Variants in GXYLT1 observed in about 807,000 individuals in gnomAD.
The protein encoded by GXYLT1 is glycosyltransferase 8 domain containing 3.
In GXYLT1, 29 loss-of-function variants were observed where a neutral mutation model predicts 54.0. The ratio of observed to expected loss-of-function variants is 0.54; its 90% CI spans 0.40 to 0.73. The LOEUF (loss-of-function observed/expected upper bound fraction) is 0.73, where lower values mean the gene tolerates loss of function less well. Among genes scored for constraint, GXYLT1 ranks in the 30% least tolerant of loss-of-function variants. The pLI is 0.00. For synonymous variants in GXYLT1, 176 were observed against 204.1 expected (o/e 0.86, Z 1.17); for missense variants, 490 against 553.4 (o/e 0.89, Z 1.15).
chr12:42,104,832 C>T (rs192414923), intron 5 of GXYLT1, among the ~76,000 whole-genome samples: 2 of 152,144 alleles, frequency 1.3e-5, no homozygotes, highest in Non-Finnish European at 1.5e-5. Flanking sequence ...ACATGATATC[C>T]CTTAATGTTT....
rs1172587272 is a variant in GXYLT1 at position 42,106,777 on chromosome 12, ACT to A, written c.613-710_613-709del. On this transcript the variant is annotated intron_variant, in intron 4 of 7. Transcript: ENST00000398675. ...TTTTTTTTTTTTGAGACAGAGTCTC[ACT>A]CTGTCACCCAGGCTGGAGTGCAGTA... 2.2e-4 allele frequency among the ~76,000 whole-genome samples: 28 copies of A among 129,912 alleles called. 1 individual carries two copies. The highest frequency in any genetic ancestry group is 4.8e-3 in the Middle Eastern group (1 of 208). 85.2% of individuals were successfully genotyped at this position (129,912 alleles called of 152,430 possible).
chr12:42,100,151 A>G (rs79383409), intron 5 of GXYLT1, among the ~76,000 whole-genome samples: 4,458 of 152,196 alleles, frequency 0.029, 194 homozygotes, highest in East Asian at 0.1. Context: ...TTGGTGTTGG[A>G]AGGGGTAGAA....
In GXYLT1 at chr12:42,112,476, T is replaced by G. The variant is rs191495939; in HGVS notation, c.487-2785A>C. 2.3e-3 allele frequency among the ~76,000 whole-genome samples: 351 copies of G among 152,206 alleles called. 2 individuals carry two copies. The highest frequency in any genetic ancestry group is 8.0e-3 in the African/African-American group (334 of 41,506). On this transcript the variant is annotated intron_variant, in intron 3 of 7. Coordinates refer to ENST00000398675, the MANE Select transcript of GXYLT1 (RefSeq NM_173601.2). ...CCTGATGGAGCTGAAAACCAAGGCATGAGAGCTATGTGACAAATGCAGAAG... is the reference window on the plus strand; with the variant it reads ...CCTGATGGAGCTGAAAACCAAGGCAGGAGAGCTATGTGACAAATGCAGAAG...
At position 42,144,838 on chromosome 12, in the gene GXYLT1, GA is replaced by G. The variant is rs1158999725; in HGVS notation, c.-193del. 2 of 371,888 alleles carry G rather than the reference GA, an allele frequency of 5.4e-6. No individual in the cohort carries two copies. Among genetic ancestry groups the G allele is most frequent in the African/African-American group, 4.3e-5 (2 of 46,930 alleles). 23.0% of individuals were successfully genotyped at this position (371,888 alleles called of 1,614,324 possible). A position where few individuals can be genotyped will look rare whatever the true frequency, so the allele number is the denominator to read the frequency against. ...CGAGCGCAGTCGCGGCTCCGGAGCC[GA>G]AGGACTACCCGCCCGGAAGCCTGGA... On this transcript the variant is annotated 5_prime_UTR_variant, in exon 1 of 8. Transcript: ENST00000398675.
chr12:42,123,494 G>T (rs1255480897), intron 2 of GXYLT1, among the ~76,000 whole-genome samples: 2 of 152,050 alleles, frequency 1.3e-5, no homozygotes, highest in African/African-American at 2.4e-5. Context: ...AATTTAGGAG[G>T]TAGGGGTTTA....
rs529980464 is a variant in GXYLT1 at position 42,129,528 on chromosome 12, G to T, written c.314+231C>A. Among the ~76,000 whole-genome samples the T allele has an allele frequency of 2.0e-5, 3 of 152,042 alleles. No individual in the cohort carries two copies. The East Asian group carries it at 5.8e-4, about 29-fold the overall frequency. ...AAAGTTAGATCATAAATTCTCTTAAGAACAGTGGTTTGTCTTAATAACATC... is the reference window on the plus strand; with the variant it reads ...AAAGTTAGATCATAAATTCTCTTAATAACAGTGGTTTGTCTTAATAACATC... On this transcript the variant is annotated intron_variant, in intron 2 of 7. Coordinates refer to ENST00000398675, the MANE Select transcript of GXYLT1 (RefSeq NM_173601.2).
chr12:42,124,506 GAAC>G (rs1307532930), intron 2 of GXYLT1, among the ~76,000 whole-genome samples: 10 of 151,760 alleles, frequency 6.6e-5, no homozygotes, highest in Non-Finnish European at 1.3e-4. Flanking sequence ...ATGATATACA[GAAC>G]AAAAGAAAAA....
chr12:42,087,833 C>T lies in GXYLT1; in HGVS notation c.1276G>A (p.Ala426Thr), dbSNP rs780222453. 9 of 1,607,140 alleles carry T rather than the reference C, an allele frequency of 5.6e-6. No individual in the cohort carries two copies. The South Asian group carries it at 8.9e-5, about 16-fold the overall frequency. ...GCATAACGATCTCTTACACTTTTTG[C>T]TAGTTGTTTGATAAATATTTTGTAA... ...KIYKIFIKQLAKSVRDRYARS... is the reference protein window; with the variant it reads ...KIYKIFIKQLTKSVRDRYARS... The change falls in exon 8 of 8, where the codon GCA (alanine) becomes ACA (threonine). Residue 426 changes from alanine to threonine, a missense_variant. Physicochemically the swap from Ala to Thr is moderately conservative, Grantham distance 58 (BLOSUM62 0). This residue lies in a region of GXYLT1 where 342 missense variants were observed against 342.6 expected (regional missense o/e 1.00). Transcript: ENST00000398675.
rs1288497832 is a variant in GXYLT1, at chr12:42,082,383, C to T, written c.*5403G>A. On this transcript the variant is annotated 3_prime_UTR_variant, in exon 8 of 8. Coordinates refer to ENST00000398675, the MANE Select transcript of GXYLT1 (RefSeq NM_173601.2). ...AACATATTCTACAGCAATGCTCAAG[C>T]CCTGGATTATTTTTGCCTGACAAAA... is the stretch of plus-strand genomic sequence containing the variant. The T allele has an allele frequency of 6.6e-6, 1 of 152,166 alleles. No individual in the cohort carries two copies. The highest frequency in any genetic ancestry group is 1.5e-5 in the Non-Finnish European group (1 of 68,026). 9.4% of individuals were successfully genotyped at this position (152,166 alleles called of 1,614,324 possible). A position where few individuals can be genotyped will look rare whatever the true frequency, so the allele number is the denominator to read the frequency against.
intron 1 of GXYLT1, among the ~76,000 whole-genome samples, chr12:42,136,188 G>A (rs2065618635): frequency 6.6e-6 from 1 of 152,116 alleles, no homozygotes; most frequent in Non-Finnish European, 1.5e-5. Context: ...ACATATCAGT[G>A]GCTTATTAGA....
chr12:42,106,087 T>G lies in GXYLT1; in HGVS notation c.613-18A>C, dbSNP rs758030375. The G allele has an allele frequency of 6.9e-7, 1 of 1,449,812 alleles. No individual in the cohort carries two copies. Among genetic ancestry groups the G allele is most frequent in the African/African-American group, 1.6e-5 (1 of 63,218 alleles). 89.8% of individuals were successfully genotyped at this position (1,449,812 alleles called of 1,614,324 possible). The stretch of plus-strand genomic sequence containing the variant: ...AGGATTAACTACAAGGAGAGATATT[T>G]GAATGATTAACTATAATTCTATTTT... On this transcript the variant is annotated intron_variant, in intron 4 of 7. Transcript: ENST00000398675.
At chr12:42,111,464 G>A (rs1029662101) in intron 3 of GXYLT1, among the ~76,000 whole-genome samples, 4 of 152,170 alleles carry the variant, frequency 2.6e-5, no homozygotes, top group East Asian at 1.9e-4. Context: ...CTTAAAAAAC[G>A]GCACACCAGG....
Position 42,086,473 on chromosome 12 carries a change from T to C in GXYLT1, c.*1313A>G, listed in dbSNP as rs1411847133. The C allele has an allele frequency of 6.6e-6, 1 of 152,230 alleles. No homozygotes were observed. The highest frequency in any genetic ancestry group is 2.4e-5 in the African/African-American group (1 of 41,458). 9.4% of individuals were successfully genotyped at this position (152,230 alleles called of 1,614,324 possible). A position where few individuals can be genotyped will look rare whatever the true frequency, so the allele number is the denominator to read the frequency against. ...TGATTTTCCATTTTCTACTTGAGCA[T>C]TAAAATATCAGGGAGAAAAAGAAGA... On this transcript the variant is annotated 3_prime_UTR_variant, in exon 8 of 8. Coordinates refer to ENST00000398675, the MANE Select transcript of GXYLT1 (RefSeq NM_173601.2).
intron 2 of GXYLT1, 47 bp downstream of exon 2, chr12:42,129,708 ACTAT>A (rs754299464): frequency 4.1e-5 from 45 of 1,099,888 alleles, no homozygotes; most frequent in Non-Finnish European, 5.8e-5. Flanking sequence ...TTTATTATCA[ACTAT>A]CTAACCTTAT....
At chr12:42,113,070 C>A (rs1441235144) in intron 3 of GXYLT1, among the ~76,000 whole-genome samples, 2 of 151,082 alleles carry the variant, frequency 1.3e-5, no homozygotes, top group African/African-American at 5.0e-5. Context: ...ACTTTACAGA[C>A]AAGCAAATGC....
At chr12:42,095,822 T>A (rs2065352434) in intron 7 of GXYLT1, among the ~76,000 whole-genome samples, 1 of 152,064 alleles carries the variant, frequency 6.6e-6, no homozygotes, top group Non-Finnish European at 1.5e-5. Context: ...AATAAAATAA[T>A]CACACTGAAA....
intron 1 of GXYLT1, among the ~76,000 whole-genome samples, chr12:42,142,626 G>A (rs779484392): frequency 1.3e-5 from 2 of 152,122 alleles, no homozygotes; most frequent in Non-Finnish European, 2.9e-5. Context: ...TTACAGGCGT[G>A]AGCTACCGAG....
intron 1 of GXYLT1, among the ~76,000 whole-genome samples, chr12:42,140,637 T>C (rs1419690261): frequency 6.6e-5 from 10 of 152,210 alleles, no homozygotes; most frequent in Non-Finnish European, 1.3e-4. Context: ...GTTCTCAGTA[T>C]ATAACACTAG....
chr12:42,143,671 G>A (rs984137786), intron 1 of GXYLT1, among the ~76,000 whole-genome samples: 3 of 152,244 alleles, frequency 2.0e-5, no homozygotes, highest in Admixed American at 6.5e-5. Flanking sequence ...TTCATAATGC[G>A]TTGACAGAAA....
Sources: allele counts gnomAD v4.1 joint callset (sites outside exome capture counted in the v4.1 genomes callset), GRCh38; gene constraint gnomAD v4.1.1; regional missense constraint gnomAD v4.1.1; transcripts MANE v1.5; gene names NCBI Gene and HGNC (gene_info 2026-07-23, HGNC 2026-07-21).